Variants in COL14A1 observed in about 807,000 individuals in gnomAD.
The protein encoded by COL14A1 is collagen type XIV alpha 1 chain.
In COL14A1, 136 loss-of-function variants were observed where a neutral mutation model predicts 230.3. The ratio of observed to expected loss-of-function variants is 0.59; its 90% CI spans 0.51 to 0.68. The LOEUF (loss-of-function observed/expected upper bound fraction) is 0.68, where lower values mean the gene tolerates loss of function less well. Ranked by LOEUF, COL14A1 falls within the 30% of genes least tolerant of loss-of-function variation. The pLI is 0.00. For missense variants in COL14A1, 1,976 were observed against 2,215.8 expected (o/e 0.89, Z 2.17); for synonymous variants, 792 against 784.1 (o/e 1.01, Z -0.17).
At chr8:120,126,140 C>G (rs1023875446) in intron 1 of COL14A1, among the ~76,000 whole-genome samples, 1 of 152,236 alleles carries the variant, frequency 6.6e-6, no homozygotes, top group Admixed American at 6.5e-5. Flanking sequence ...CCGCACCCCG[C>G]GCCCCCTCAG....
chr8:120,260,038 A>G (rs1280495171), intron 23 of COL14A1, among the ~76,000 whole-genome samples: 4 of 152,182 alleles, frequency 2.6e-5, no homozygotes, highest in African/African-American at 4.8e-5. Flanking sequence ...CAATTTTTAA[A>G]TGTTATCATT....
chr8:120,267,114 T>G, intron 25 of COL14A1: 3 of 459,736 alleles, frequency 6.5e-6, no homozygotes, highest in Non-Finnish European at 1.2e-5. Context: ...ACTATTTTTT[T>G]TGAAATATCA....
At chr8:120,245,742 C>G (rs757410675) in intron 20 of COL14A1, among the ~76,000 whole-genome samples, 4 of 152,090 alleles carry the variant, frequency 2.6e-5, no homozygotes, top group Non-Finnish European at 5.9e-5. Flanking sequence ...GTGGGGGTGG[C>G]AAGCAGGCTG....
chr8:120,248,640 T>C (rs554244653), intron 21 of COL14A1, among the ~76,000 whole-genome samples: 14 of 152,090 alleles, frequency 9.2e-5, no homozygotes, highest in African/African-American at 3.4e-4. Context: ...GTGGATTGCT[T>C]GAGTCCAGGA....
chr8:120,130,824 T>C (rs924771990), intron 1 of COL14A1, among the ~76,000 whole-genome samples: 2 of 152,178 alleles, frequency 1.3e-5, no homozygotes, highest in Non-Finnish European at 2.9e-5. Context: ...ATCACCCAGG[T>C]AGTGAGCATA....
intron 1 of COL14A1, among the ~76,000 whole-genome samples, chr8:120,127,690 G>C (rs1814389869): frequency 6.6e-6 from 1 of 152,184 alleles, no homozygotes; most frequent in South Asian, 2.1e-4. Flanking sequence ...ATATTTCCTA[G>C]TGTCACACAG....
rs185512768 is a variant in COL14A1 at position 120,333,262 on chromosome 8, G to A, written c.4785+527G>A. 9.2e-5 allele frequency among the ~76,000 whole-genome samples: 14 copies of A among 152,306 alleles called. No individual in the cohort carries two copies. The East Asian group carries it at 1.7e-3, about 19-fold the overall frequency. ...GATTGTTGTACTTCTAGTCTCTTAG[G>A]TTGGTGTTTAAATGTGATCAATGGG... On this transcript the variant is annotated intron_variant, in intron 42 of 47. Coordinates refer to ENST00000297848, the MANE Select transcript of COL14A1 (RefSeq NM_021110.4).
intron 25 of COL14A1, among the ~76,000 whole-genome samples, chr8:120,268,371 TGATGCAGATATTACA>T (rs1490916424): frequency 6.6e-6 from 1 of 151,738 alleles, no homozygotes; most frequent in Admixed American, 6.6e-5. Context: ...TAGGCACTTC[TGATGCAGATATTACA>T]GAATGCTCTG....
Position 120,278,205 on chromosome 8 carries a change from T to C in COL14A1, c.3308T>C (p.Ile1103Thr), listed in dbSNP as rs374088502. ...KETLLDAIKH[I>T]SYKGGNTKTG... ...ACTCTTCTTGATGCAATTAAACACATTTCATACAAAGGAGGAAATACAAAA... is the reference window on the plus strand; with the variant it reads ...ACTCTTCTTGATGCAATTAAACACACTTCATACAAAGGAGGAAATACAAAA... The change falls in exon 27 of 48, where the codon ATT becomes ACT. Residue 1103 changes from isoleucine (I) to threonine (T), a missense_variant. Around this residue, in one of 3 missense-constraint regions of COL14A1, gnomAD observed 1,791 missense variants for 2,019.5 expected, o/e 0.89. Coordinates refer to ENST00000297848, the MANE Select transcript of COL14A1 (RefSeq NM_021110.4). The C allele has an allele frequency of 6.2e-7, 1 of 1,610,448 alleles. No individual in the cohort carries two copies. Among genetic ancestry groups the C allele is most frequent in the African/African-American group, 1.3e-5 (1 of 74,776 alleles).
At chr8:120,160,072 T>C (rs1191410206) in intron 3 of COL14A1, among the ~76,000 whole-genome samples, 1 of 152,160 alleles carries the variant, frequency 6.6e-6, no homozygotes, top group Non-Finnish European at 1.5e-5. Context: ...TGTCCACTTT[T>C]CCCATGGTGG....
At chr8:120,140,764 C>T (rs1309855514) in intron 1 of COL14A1, among the ~76,000 whole-genome samples, 5 of 152,106 alleles carry the variant, frequency 3.3e-5, no homozygotes, top group Admixed American at 3.3e-4. Context: ...TTGCTTAATG[C>T]TTACACTTTG....
chr8:120,216,465 A>G lies in COL14A1; in HGVS notation c.1712A>G (p.Asn571Ser). Residue 571 changes from asparagine to serine, a missense_variant, in exon 14 of 48, where the codon AAT (asparagine) becomes AGT (serine). Asn to Ser is a conservative substitution (Grantham distance 46). Coordinates refer to ENST00000297848, the MANE Select transcript of COL14A1 (RefSeq NM_021110.4). ...QINGYRIVYN[N>S]ADGTEINEVE... is the part of the protein sequence containing the mutation. ...AATGGTTATCGAATTGTATATAACA[A>G]TGCAGATGGGACTGAAATCAATGAG... is the stretch of plus-strand genomic sequence containing the variant. 5 of 1,610,186 alleles carry G rather than the reference A, an allele frequency of 3.1e-6. No homozygotes were observed. The highest frequency in any genetic ancestry group is 4.2e-6 in the Non-Finnish European group (5 of 1,178,536).
chr8:120,318,566 A>T (rs1821320082), intron 40 of COL14A1, among the ~76,000 whole-genome samples: 1 of 152,152 alleles, frequency 6.6e-6, no homozygotes, highest in African/African-American at 2.4e-5. Flanking sequence ...GACAATTTTC[A>T]TGGTGGGAGA....
chr8:120,136,985 A>G (rs1269996511), intron 1 of COL14A1, among the ~76,000 whole-genome samples: 1 of 149,298 alleles, frequency 6.7e-6, no homozygotes, highest in Non-Finnish European at 1.5e-5. Flanking sequence ...AAAAAAAAAA[A>G]AAGGTTATGC....
intron 23 of COL14A1, among the ~76,000 whole-genome samples, chr8:120,255,738 A>G (rs1183377174): frequency 6.6e-6 from 1 of 151,890 alleles, no homozygotes; most frequent in Non-Finnish European, 1.5e-5. Context: ...TAATTTGGGT[A>G]TTCACTCTCT....
chr8:120,246,133 A>G (rs193008558), intron 20 of COL14A1, among the ~76,000 whole-genome samples: 1 of 152,316 alleles, frequency 6.6e-6, no homozygotes, highest in East Asian at 1.9e-4. Flanking sequence ...GAAAATCATT[A>G]AAATTCTGAA....
chr8:120,250,694 G>A lies in COL14A1; in HGVS notation c.2680G>A (p.Asp894Asn), dbSNP rs1348947476. Residue 894 changes from aspartate (D) to asparagine (N), a missense_variant, in exon 22 of 48, where the codon GAC becomes AAC. Asp to Asn is a conservative substitution (Grantham distance 23). Transcript: ENST00000297848. ...TATCACAAACCTCCTCAGCGGAATGGACTACAATGTGAAGATATTTGCCTC... is the reference window on the plus strand; with the variant it reads ...TATCACAAACCTCCTCAGCGGAATGAACTACAATGTGAAGATATTTGCCTC... ...ILITNLLSGM[D>N]YNVKIFASQA... is the part of the protein sequence containing the mutation. 1 of 1,614,212 alleles carries A rather than the reference G, an allele frequency of 6.2e-7. No individual in the cohort carries two copies. Among genetic ancestry groups the A allele is most frequent in the Admixed American group, 1.7e-5 (1 of 60,024 alleles).
chr8:120,176,348 T>C (rs536450911), intron 5 of COL14A1, among the ~76,000 whole-genome samples: 2 of 152,130 alleles, frequency 1.3e-5, no homozygotes, highest in Non-Finnish European at 2.9e-5. Context: ...TGCCTTCTCT[T>C]GGAGAAGGGC....
chr8:120,169,584 A>T (rs1816033385), intron 5 of COL14A1, among the ~76,000 whole-genome samples: 1 of 151,580 alleles, frequency 6.6e-6, no homozygotes, highest in Non-Finnish European at 1.5e-5. Flanking sequence ...TGAGTATGAA[A>T]CCCTTTTCTA....
Sources: gnomAD v4.1 joint callset for allele counts (sites outside exome capture counted in the v4.1 genomes callset) on GRCh38, gnomAD v4.1.1 for gene constraint, gnomAD v4.1.1 regional missense constraint, MANE v1.5 for transcripts, NCBI Gene and HGNC (gene_info 2026-07-23, HGNC 2026-07-21) for gene names.